The following PCDHA1 variants were observed in gnomAD, a reference collection of about 807,000 sequenced individuals.
PCDHA1 encodes protocadherin alpha 1, also known as protocadherin alpha-1.
Under a neutral mutation model 61.3 loss-of-function variants are expected in PCDHA1, and 42 were observed. The observed-to-expected ratio is 0.69, with a 90% CI of 0.54 to 0.89. PCDHA1 has a LOEUF of 0.89. Among genes scored for constraint, PCDHA1 ranks in the 40% least tolerant of loss-of-function variants. The pLI is 0.00. For missense variants in PCDHA1, 1,256 were observed against 1,235.3 expected (o/e 1.02, Z -0.25); for synonymous variants, 610 against 553.8 (o/e 1.10, Z -1.43).
intron 1 of PCDHA1, chr5:140,851,237 G>C (rs782702575): frequency 3.6e-6 from 4 of 1,101,536 alleles, no homozygotes; most frequent in Non-Finnish European, 4.6e-6. Flanking sequence ...TTTATTTATT[G>C]CTAAATGATG....
chr5:140,858,618 C>T (rs781842612), intron 1 of PCDHA1: 2 of 1,160,992 alleles, frequency 1.7e-6, no homozygotes, highest in South Asian at 1.6e-5. Context: ...TTTTATCCTA[C>T]CCAGTGTGTC....
intron 1 of PCDHA1, chr5:140,835,796 C>T (rs1264312076): frequency 5.6e-6 from 9 of 1,613,014 alleles, no homozygotes; most frequent in Non-Finnish European, 7.6e-6. Context: ...ACCCGCCGGG[C>T]TGCCACATCT....
At chr5:140,967,014 G>T in intron 1 of PCDHA1, 1 of 1,606,958 alleles carries the variant, frequency 6.2e-7, no homozygotes, top group Non-Finnish European at 8.5e-7. Flanking sequence ...AACCATCTGG[G>T]TGCGCCCAGT....
At chr5:140,827,751 A>G (rs1042537748) in intron 1 of PCDHA1, among the ~76,000 whole-genome samples, 1 of 152,258 alleles carries the variant, frequency 6.6e-6, no homozygotes, top group Non-Finnish European at 1.5e-5. Context: ...TAGATCCCTT[A>G]CTTTAAATTA....
chr5:140,950,015 T>C (rs2094440217), intron 1 of PCDHA1, among the ~76,000 whole-genome samples: 1 of 151,906 alleles, frequency 6.6e-6, no homozygotes, highest in Admixed American at 6.6e-5. Context: ...TGTACAACCT[T>C]CATAAAATAT....
chr5:140,987,005 T>C (rs1587197864), intron 3 of PCDHA1, among the ~76,000 whole-genome samples: 1 of 152,008 alleles, frequency 6.6e-6, no homozygotes. Context: ...CTTGAGGTCA[T>C]GAGTTCGAGA....
Position 140,870,628 on chromosome 5 carries a change from G to A in PCDHA1, c.2394+81944G>A. The A allele has an allele frequency of 4.3e-6, 7 of 1,613,050 alleles. No individual in the cohort carries two copies. The highest frequency in any genetic ancestry group is 5.9e-6 in the Non-Finnish European group (7 of 1,179,794). Reference sequence around the variant, plus strand: ...CCGCGCGCTGTCGAGCTACGTGTCGGTGCACGCGGAGAGCGGCAAGGTGTA... The same window carrying A: ...CCGCGCGCTGTCGAGCTACGTGTCGATGCACGCGGAGAGCGGCAAGGTGTA... On this transcript the variant is annotated intron_variant, in intron 1 of 3. Transcript: ENST00000504120.
At chr5:140,877,593 G>A in intron 1 of PCDHA1, 2 of 1,613,854 alleles carry the variant, frequency 1.2e-6, no homozygotes, top group Non-Finnish European at 1.7e-6. Context: ...TCTGTGCGGT[G>A]TCCAGCCTGC....
intron 1 of PCDHA1, among the ~76,000 whole-genome samples, chr5:140,898,316 G>T (rs1487888782): frequency 6.6e-6 from 1 of 152,168 alleles, no homozygotes; most frequent in Non-Finnish European, 1.5e-5. Flanking sequence ...GGTTTTTATG[G>T]TTTTGGGTCT....
At chr5:140,814,765 G>A (rs1001115968) in intron 1 of PCDHA1, 2 of 151,980 alleles carry the variant, frequency 1.3e-5, no homozygotes, top group Non-Finnish European at 2.9e-5. Context: ...TTGTACATGT[G>A]GTCTGTTATT....
intron 1 of PCDHA1, chr5:140,836,269 G>T: frequency 1.2e-6 from 2 of 1,613,790 alleles, no homozygotes; most frequent in Non-Finnish European, 1.7e-6. Flanking sequence ...CTGTACACTG[G>T]TGAGATCAGC....
intron 3 of PCDHA1, among the ~76,000 whole-genome samples, chr5:141,003,556 A>G (rs1183434751): frequency 6.6e-6 from 1 of 152,034 alleles, no homozygotes; most frequent in Non-Finnish European, 1.5e-5. Flanking sequence ...CAAGTGATCC[A>G]CCTGCCTCAG....
chr5:140,985,505 T>C (rs2097155238), intron 3 of PCDHA1, among the ~76,000 whole-genome samples: 1 of 152,188 alleles, frequency 6.6e-6, no homozygotes, highest in Non-Finnish European at 1.5e-5. Flanking sequence ...CTGCCTTTCA[T>C]TGATTCTGTT....
intron 1 of PCDHA1, among the ~76,000 whole-genome samples, chr5:140,954,779 G>T (rs2095086497): frequency 6.6e-6 from 1 of 152,108 alleles, no homozygotes; most frequent in Non-Finnish European, 1.5e-5. Flanking sequence ...AATTTAATTA[G>T]ATCTCATTTG....
chr5:140,849,973 C>G, intron 1 of PCDHA1: 1 of 1,597,728 alleles, frequency 6.3e-7, no homozygotes, highest in Non-Finnish European at 8.6e-7. Context: ...GTGTCCTACT[C>G]GCTGGTGGAG....
rs144072974 is a variant in PCDHA1 at position 140,938,897 on chromosome 5, G to GCA, written c.2395-40040_2395-40039dup. 1.4e-3 allele frequency among the ~76,000 whole-genome samples: 215 copies of GCA among 151,312 alleles called. 3 individuals carry two copies. The East Asian group carries it at 0.032, about 22-fold the overall frequency. Reference sequence around the variant, plus strand: ...AAGCAACACACACACACACAGATGCGCACACACACACACGCACAAGAAATT... The same window carrying GCA: ...AAGCAACACACACACACACAGATGCGCACACACACACACACGCACAAGAAATT... On this transcript the variant is annotated intron_variant, in intron 1 of 3. Coordinates refer to ENST00000504120, the MANE Select transcript of PCDHA1 (RefSeq NM_018900.4).
intron 3 of PCDHA1, among the ~76,000 whole-genome samples, chr5:141,008,123 G>A (rs1437358425): frequency 6.6e-6 from 1 of 152,144 alleles, no homozygotes; most frequent in East Asian, 1.9e-4. Context: ...GTTTCAAGAA[G>A]GGGATGACAA....
intron 1 of PCDHA1, chr5:140,829,019 T>G: frequency 6.2e-7 from 1 of 1,613,680 alleles, no homozygotes; most frequent in South Asian, 1.1e-5. Flanking sequence ...TAATTTGGAT[T>G]TTGAACAAGA....
intron 1 of PCDHA1, among the ~76,000 whole-genome samples, chr5:140,881,750 C>T (rs1161973911): frequency 6.6e-6 from 1 of 152,092 alleles, no homozygotes; most frequent in Non-Finnish European, 1.5e-5. Flanking sequence ...AGGACAGTAC[C>T]ACAAAAACCT....
Sources: gnomAD v4.1 joint callset for allele counts (sites outside exome capture counted in the v4.1 genomes callset) on GRCh38, gnomAD v4.1.1 for gene constraint, MANE v1.5 for transcripts, NCBI Gene and HGNC (gene_info 2026-07-23, HGNC 2026-07-21) for gene names.